ANTXR1: variants seen among roughly 807,000 people sequenced by gnomAD.
The protein encoded by ANTXR1 is anthrax toxin receptor 1.
In ANTXR1, 19 loss-of-function variants were observed where a neutral mutation model predicts 78.1. That is an observed-to-expected ratio of 0.24 (90% CI 0.17 to 0.36). The LOEUF (loss-of-function observed/expected upper bound fraction) is 0.36. ANTXR1 is among the 10% of genes least tolerant of loss of function. The pLI is 1.00. For missense variants in ANTXR1, 518 were observed against 718.6 expected, an observed-to-expected ratio of 0.72 and a Z score of 3.19; for synonymous variants, 273 against 260.5, an observed-to-expected ratio of 1.05 and a Z score of -0.46.
chr2:69,040,077 C>A lies in ANTXR1; in HGVS notation c.186C>A (p.Ile62=). 6.2e-7 allele frequency: 1 copy of A among 1,613,470 alleles called. No individual in the cohort carries two copies. Among genetic ancestry groups the A allele is most frequent in the Non-Finnish European group, 8.5e-7 (1 of 1,179,554 alleles). Reference sequence around the variant, plus strand: ...GTGTGCTGCACCACTGGAATGAAATCTATTACTTTGTGGAACAGTTGGCTC... The same window carrying A: ...GTGTGCTGCACCACTGGAATGAAATATATTACTTTGTGGAACAGTTGGCTC... ...SGSVLHHWNE[I]YYFVEQLAHK... Residue 62 remains isoleucine, a synonymous_variant, in exon 2 of 18, where the codon ATC becomes ATA. Coordinates refer to ENST00000303714, the MANE Select transcript of ANTXR1 (RefSeq NM_032208.3).
At position 69,245,463 on chromosome 2, in the gene ANTXR1, C is replaced by G; in HGVS notation, c.1673C>G (p.Pro558Arg). 3.7e-6 allele frequency: 6 copies of G among 1,612,788 alleles called. No homozygotes were observed. The highest frequency in any genetic ancestry group is 5.1e-6 in the Non-Finnish European group (6 of 1,179,740). ...AACAGGGCACCTCCTCCCTCCCGCC[C>G]TCCTCCAAGGCCTTCTGTCTAGAGC... The part of the protein sequence containing the change: ...PPNRAPPPSR[P>R]PPRPSV The change falls in exon 18 of 18, where the codon CCT (proline) becomes CGT (arginine). Residue 558 changes from proline to arginine, a missense_variant. By Grantham distance (103) the Pro-to-Arg change is moderately radical. Around this residue, in one of 5 missense-constraint regions of ANTXR1, gnomAD observed 192 missense variants for 230.2 expected, o/e 0.83. Transcript: ENST00000303714.
At chr2:69,129,983 T>A (rs1285771552) in intron 12 of ANTXR1, among the ~76,000 whole-genome samples, 2 of 152,220 alleles carry the variant, frequency 1.3e-5, no homozygotes, top group Non-Finnish European at 2.9e-5. Context: ...GATATATCTC[T>A]GAGCATAGTT....
intron 17 of ANTXR1, among the ~76,000 whole-genome samples, chr2:69,232,998 T>G (rs548259627): frequency 1.3e-5 from 2 of 152,156 alleles, no homozygotes; most frequent in Non-Finnish European, 2.9e-5. Context: ...AGTACAAATC[T>G]ATGCAAATGC....
chr2:69,079,076 A>G (rs535467273), intron 8 of ANTXR1, among the ~76,000 whole-genome samples: 41 of 152,166 alleles, frequency 2.7e-4, no homozygotes, highest in Non-Finnish European at 4.7e-4. Context: ...ATTATGTTCC[A>G]ATGACAGTTG....
chr2:69,189,284 C>T (rs1674497488), intron 16 of ANTXR1, among the ~76,000 whole-genome samples: 2 of 152,208 alleles, frequency 1.3e-5, no homozygotes, highest in South Asian at 2.1e-4. Flanking sequence ...CAAGCATGCC[C>T]TGCAAGTCGG....
At chr2:69,023,007 C>G (rs1293622274) in intron 1 of ANTXR1, among the ~76,000 whole-genome samples, 1 of 152,214 alleles carries the variant, frequency 6.6e-6, no homozygotes, top group Non-Finnish European at 1.5e-5. Context: ...TCATAAGTCT[C>G]CCTACATGAA....
chr2:69,076,791 C>T (rs1452690108), intron 7 of ANTXR1, among the ~76,000 whole-genome samples: 1 of 152,118 alleles, frequency 6.6e-6, no homozygotes, highest in Non-Finnish European at 1.5e-5. Flanking sequence ...TTTTAGAAGC[C>T]ATACACAACA....
rs202115263 is a variant in ANTXR1 at position 69,085,359 on chromosome 2, A to G, written c.643-5500A>G. On this transcript the variant is annotated intron_variant, in intron 8 of 17. Coordinates refer to ENST00000303714, the MANE Select transcript of ANTXR1 (RefSeq NM_032208.3). Reference sequence around the variant, plus strand: ...ACAACATTTTTTTTTAAGGTAAGCAATTTTTTAAAAATGAGGTGTTGAAAT... The same window carrying G: ...ACAACATTTTTTTTTAAGGTAAGCAGTTTTTTAAAAATGAGGTGTTGAAAT... Among the ~76,000 whole-genome samples, 55 of 152,194 alleles carry G rather than the reference A, an allele frequency of 3.6e-4. 1 individual carries two copies. In the East Asian group the frequency reaches 9.3e-3, roughly 26 times the overall value.
Position 69,109,041 on chromosome 2 carries a change from C to T in ANTXR1, c.802+6101C>T, listed in dbSNP as rs551782369. ...GCCAGACCACCAGGGAAAAAGAGTT[C>T]TGGCTCTGTCGTATCTAGCTGTGCG... On this transcript the variant is annotated intron_variant, in intron 10 of 17. Transcript: ENST00000303714. 1.1e-4 allele frequency among the ~76,000 whole-genome samples: 17 copies of T among 152,324 alleles called. 1 individual carries two copies. The highest frequency in any genetic ancestry group is 4.1e-4 in the African/African-American group (17 of 41,564).
At chr2:69,145,636 A>C in intron 12 of ANTXR1, 1 of 1,233,534 alleles carries the variant, frequency 8.1e-7, no homozygotes, top group Non-Finnish European at 1.0e-6. Flanking sequence ...GGTGGGCATC[A>C]GGCAGAATCC....
At chr2:69,125,045 T>C (rs1032810230) in intron 12 of ANTXR1, among the ~76,000 whole-genome samples, 1 of 152,144 alleles carries the variant, frequency 6.6e-6, no homozygotes, top group Non-Finnish European at 1.5e-5. Context: ...TCTAAAGGGA[T>C]GCAGGAAAAT....
At chr2:69,050,023 A>G (rs1462518540) in intron 3 of ANTXR1, among the ~76,000 whole-genome samples, 3 of 152,174 alleles carry the variant, frequency 2.0e-5, no homozygotes, top group African/African-American at 4.8e-5. Flanking sequence ...GCCTGGCACA[A>G]TGGCTCACAC....
chr2:69,161,816 A>G (rs879918565), intron 13 of ANTXR1, among the ~76,000 whole-genome samples: 8 of 152,158 alleles, frequency 5.3e-5, no homozygotes, highest in Non-Finnish European at 8.8e-5. Flanking sequence ...CATTTCTTCT[A>G]TACATAACTC....
chr2:69,096,118 C>T (rs1366752419), intron 9 of ANTXR1, among the ~76,000 whole-genome samples: 3 of 151,714 alleles, frequency 2.0e-5, no homozygotes, highest in Non-Finnish European at 4.4e-5. Context: ...ATGAGCCAGG[C>T]GTGGTGGCGG....
chr2:69,105,612 C>T (rs938461018), intron 10 of ANTXR1, among the ~76,000 whole-genome samples: 2 of 152,168 alleles, frequency 1.3e-5, no homozygotes, highest in African/African-American at 4.8e-5. Context: ...TTATAAATGT[C>T]ATAGTTTCTA....
At chr2:69,087,438 G>T (rs1264819170) in intron 8 of ANTXR1, among the ~76,000 whole-genome samples, 1 of 152,174 alleles carries the variant, frequency 6.6e-6, no homozygotes, top group Non-Finnish European at 1.5e-5. Context: ...GTTGACCTCA[G>T]CTATTTGATT....
At chr2:69,058,491 G>A (rs1416069477) in intron 3 of ANTXR1, among the ~76,000 whole-genome samples, 1 of 151,560 alleles carries the variant, frequency 6.6e-6, no homozygotes, top group African/African-American at 2.4e-5. Context: ...TTACTGCATG[G>A]TTTACTGAAT....
At chr2:69,146,599 G>A (rs187156988) in intron 12 of ANTXR1, among the ~76,000 whole-genome samples, 21 of 152,318 alleles carry the variant, frequency 1.4e-4, no homozygotes, top group Non-Finnish European at 2.2e-4. Context: ...GTCAGCTTCC[G>A]CTGTCATCTG....
chr2:69,039,168 G>C (rs1271546742), intron 1 of ANTXR1, among the ~76,000 whole-genome samples: 1 of 152,164 alleles, frequency 6.6e-6, no homozygotes, highest in African/African-American at 2.4e-5. Flanking sequence ...AGGTGAAAGG[G>C]AGGAGGCATC....
Sources: allele counts gnomAD v4.1 joint callset (sites outside exome capture counted in the v4.1 genomes callset), GRCh38; gene constraint gnomAD v4.1.1; regional missense constraint gnomAD v4.1.1; transcripts MANE v1.5; gene names NCBI Gene and HGNC (gene_info 2026-07-23, HGNC 2026-07-21).